Variants in NGF observed in about 807,000 individuals in gnomAD.
NGF encodes the protein beta-nerve growth factor.
Under a neutral mutation model 12.8 loss-of-function variants are expected in NGF, and 4 were observed. The ratio of observed to expected loss-of-function variants is 0.31; its 90% CI spans 0.15 to 0.72. The LOEUF is 0.72. NGF is among the 30% of genes least tolerant of loss of function. The pLI, the probability that NGF is intolerant of heterozygous loss-of-function variation, is 0.69. For missense variants in NGF, 283 were observed against 330.8 expected (o/e 0.86, Z 1.12); for synonymous variants, 140 against 130.0 (o/e 1.08, Z -0.52).
intron 1 of NGF, among the ~76,000 whole-genome samples, chr1:115,306,197 A>C (rs963260983): frequency 6.6e-6 from 1 of 152,208 alleles, no homozygotes; most frequent in African/African-American, 2.4e-5. Flanking sequence ...TACCAAGCAA[A>C]GACTATGGTT....
chr1:115,315,764 A>G (rs984743078), intron 1 of NGF, among the ~76,000 whole-genome samples: 5 of 152,188 alleles, frequency 3.3e-5, no homozygotes, highest in African/African-American at 1.2e-4. Flanking sequence ...CTTGTCTGGC[A>G]TAGGGAGTAC....
chr1:115,299,526 T>C (rs1653969289), intron 1 of NGF, among the ~76,000 whole-genome samples: 1 of 152,190 alleles, frequency 6.6e-6, no homozygotes, highest in African/African-American at 2.4e-5. Context: ...AGGGAGGTTT[T>C]CAAAGTGTGG....
chr1:115,304,010 C>G (rs1025958016), intron 1 of NGF, among the ~76,000 whole-genome samples: 1 of 151,982 alleles, frequency 6.6e-6, no homozygotes, highest in African/African-American at 2.4e-5. Flanking sequence ...TCCTTTCTTT[C>G]TCCTGAGATT....
At position 115,288,243 on chromosome 1, in the gene NGF, T is replaced by A. The variant is rs978878507; in HGVS notation, c.-12-1436A>T. On this transcript the variant is annotated intron_variant, in intron 2 of 2. Transcript: ENST00000369512. ...AGTGTGTGTGTTCTCTCCTACTAAA[T>A]CAGTGTAATGACAAGAACTCTGCAT... Among the ~76,000 whole-genome samples, 5 of 152,170 alleles carry A rather than the reference T, an allele frequency of 3.3e-5. 2 individuals are homozygous for A. The South Asian group carries it at 1.0e-3, about 31-fold the overall frequency.
At chr1:115,289,795 C>T (rs1653626330) in intron 2 of NGF, among the ~76,000 whole-genome samples, 1 of 152,134 alleles carries the variant, frequency 6.6e-6, no homozygotes, top group Non-Finnish European at 1.5e-5. Context: ...GTTACTGGAA[C>T]CATCATTCAT....
At chr1:115,289,209 T>C (rs544930600) in intron 2 of NGF, among the ~76,000 whole-genome samples, 3 of 152,300 alleles carry the variant, frequency 2.0e-5, no homozygotes, top group African/African-American at 7.2e-5. Context: ...TTACTTTTGC[T>C]CCTTTTCATG....
chr1:115,288,854 T>A (rs993516296), intron 2 of NGF, among the ~76,000 whole-genome samples: 12 of 152,360 alleles, frequency 7.9e-5, no homozygotes, highest in South Asian at 2.1e-4. Context: ...CTTCTTTCCA[T>A]CACAGTGTGT....
At chr1:115,290,700 A>G (rs566900805) in intron 2 of NGF, among the ~76,000 whole-genome samples, 15 of 151,952 alleles carry the variant, frequency 9.9e-5, no homozygotes, top group African/African-American at 3.4e-4. Context: ...CCCCTTCTCT[A>G]TCTCTTAAAG....
chr1:115,286,915 T>C (rs535307131), intron 2 of NGF, 108 bp from the exon 3 acceptor site: 3 of 1,372,694 alleles, frequency 2.2e-6, no homozygotes, highest in South Asian at 1.2e-5. Flanking sequence ...CGAAGAGGTT[T>C]CATTCAAACC....
intron 1 of NGF, among the ~76,000 whole-genome samples, chr1:115,317,970 G>C (rs1430389404): frequency 6.6e-6 from 1 of 152,066 alleles, no homozygotes; most frequent in Non-Finnish European, 1.5e-5. Flanking sequence ...GCTAGCTCTC[G>C]GTGACTTGTA....
rs546471605 is a variant in NGF, at chr1:115,307,864, A to T, written c.-136-14114T>A. The stretch of plus-strand genomic sequence containing the variant: ...CACAAAAGTCCTTCATTGCAGGGCC[A>T]CTGGGCTGGGTGTGCCAGACTGTCT... On this transcript the variant is annotated intron_variant, in intron 1 of 2. Transcript: ENST00000369512. 7.9e-5 allele frequency among the ~76,000 whole-genome samples: 12 copies of T among 152,376 alleles called. 1 individual carries two copies. The highest frequency in any genetic ancestry group is 7.2e-4 in the Admixed American group (11 of 15,306).
chr1:115,326,098 A>G (rs1654764683), intron 1 of NGF, among the ~76,000 whole-genome samples: 1 of 152,114 alleles, frequency 6.6e-6, no homozygotes, highest in South Asian at 2.1e-4. Flanking sequence ...TCATCCAGGA[A>G]GAGGGCGATC....
At chr1:115,295,088 A>G (rs2239622) in intron 1 of NGF, among the ~76,000 whole-genome samples, 115,076 of 152,094 alleles carry the variant, frequency 0.76, 43,757 homozygotes, top group African/African-American at 0.81. Context: ...TTTTTCCAGC[A>G]TGGATCCCCA....
chr1:115,303,787 A>G (rs1654116150), intron 1 of NGF, among the ~76,000 whole-genome samples: 1 of 152,114 alleles, frequency 6.6e-6, no homozygotes, highest in African/African-American at 2.4e-5. Flanking sequence ...GTTCTCCAAG[A>G]CCTCCTCATA....
intron 1 of NGF, among the ~76,000 whole-genome samples, chr1:115,301,673 C>T (rs1042668734): frequency 2.0e-5 from 3 of 152,178 alleles, no homozygotes; most frequent in Non-Finnish European, 2.9e-5. Flanking sequence ...GAACGCTCAG[C>T]CTGCAGCTGT....
At chr1:115,324,717 G>T (rs1447026073) in intron 1 of NGF, among the ~76,000 whole-genome samples, 1 of 152,158 alleles carries the variant, frequency 6.6e-6, no homozygotes, top group East Asian at 1.9e-4. Context: ...CTCATCTGGA[G>T]GAGTGGGGTA....
At chr1:115,333,669 CTTTCT>C (rs1557949117) in intron 1 of NGF, among the ~76,000 whole-genome samples, 2 of 55,242 alleles carry the variant, frequency 3.6e-5, no homozygotes, top group African/African-American at 4.5e-4. Flanking sequence ...TTCTTTCTTT[CTTTCT>C]TTCTTTCTTT....
At chr1:115,331,318 A>G (rs966781895) in intron 1 of NGF, among the ~76,000 whole-genome samples, 1 of 152,190 alleles carries the variant, frequency 6.6e-6, no homozygotes, top group Non-Finnish European at 1.5e-5. Flanking sequence ...ATCCAGTTCT[A>G]TCTGTGTGCC....
intron 1 of NGF, among the ~76,000 whole-genome samples, chr1:115,316,332 G>C (rs1426493450): frequency 6.6e-6 from 1 of 152,192 alleles, no homozygotes; most frequent in Non-Finnish European, 1.5e-5. Flanking sequence ...TGGAGGACTT[G>C]AGTAGGGGCC....
Sources: gnomAD v4.1 joint callset for allele counts (sites outside exome capture counted in the v4.1 genomes callset) on GRCh38, gnomAD v4.1.1 for gene constraint, MANE v1.5 for transcripts, NCBI Gene and HGNC (gene_info 2026-07-23, HGNC 2026-07-21) for gene names.